NAALADL2: variants seen among roughly 807,000 people sequenced by gnomAD.
The protein encoded by NAALADL2 is N-acetylated alpha-linked acidic dipeptidase like 2.
Under a neutral mutation model 87.2 loss-of-function variants are expected in NAALADL2, and 76 were observed. The ratio of observed to expected loss-of-function variants is 0.87; its 90% CI spans 0.72 to 1.05. NAALADL2 has a LOEUF of 1.05. Among genes scored for constraint, NAALADL2 ranks in the 50% least tolerant of loss-of-function variants. The pLI is 0.00. For synonymous variants in NAALADL2, 354 were observed against 331.0 expected (o/e 1.07, Z -0.75); for missense variants, 1,089 against 945.8 (o/e 1.15, Z -1.99).
At chr3:174,523,915 G>GTT (rs1720495108) in intron 1 of NAALADL2, among the ~76,000 whole-genome samples, 1 of 151,970 alleles carries the variant, frequency 6.6e-6, no homozygotes, top group African/African-American at 2.4e-5. Flanking sequence ...TGTGAATGGG[G>GTT]TTCAGCAAGT....
intron 2 of NAALADL2, among the ~76,000 whole-genome samples, chr3:174,553,900 A>C (rs1178602642): frequency 6.6e-6 from 1 of 152,120 alleles, no homozygotes; most frequent in African/African-American, 2.4e-5. Context: ...CTGCTTTCAG[A>C]TGAGTGTTAG....
At chr3:175,198,059 A>G (rs1346351456) in intron 2 of NAALADL2, among the ~76,000 whole-genome samples, 2 of 152,102 alleles carry the variant, frequency 1.3e-5, no homozygotes, top group East Asian at 3.8e-4. Context: ...ATCCTGTAAA[A>G]TTACTCTAAA....
chr3:174,447,572 C>T (rs1461791738), intron 1 of NAALADL2, among the ~76,000 whole-genome samples: 1 of 152,044 alleles, frequency 6.6e-6, no homozygotes, highest in East Asian at 1.9e-4. Context: ...AATCCCAGCA[C>T]TTTGGGTGGC....
intron 2 of NAALADL2, among the ~76,000 whole-genome samples, chr3:174,580,819 A>G (rs1009792397): frequency 6.6e-6 from 1 of 152,166 alleles, no homozygotes; most frequent in Non-Finnish European, 1.5e-5. Context: ...TTTTACAGAC[A>G]TACACTTCCA....
intron 9 of NAALADL2, among the ~76,000 whole-genome samples, chr3:175,547,020 T>G (rs1174662048): frequency 6.6e-6 from 1 of 152,156 alleles, no homozygotes; most frequent in Non-Finnish European, 1.5e-5. Flanking sequence ...TTCAATGCCA[T>G]GCCTATTAAA....
intron 12 of NAALADL2, among the ~76,000 whole-genome samples, chr3:175,747,452 G>A (rs773042022): frequency 1.3e-5 from 2 of 152,014 alleles, no homozygotes; most frequent in Non-Finnish European, 1.5e-5. Flanking sequence ...TCCCTAAGGT[G>A]TATTTTTTGG....
intron 1 of NAALADL2, among the ~76,000 whole-genome samples, chr3:174,529,479 T>C (rs1721049990): frequency 1.3e-5 from 2 of 152,198 alleles, no homozygotes; most frequent in Admixed American, 1.3e-4. Context: ...GTGGCCCTCT[T>C]CTCACAGCTC....
chr3:175,355,941 C>T lies in NAALADL2; in HGVS notation c.1090+31616C>T, dbSNP rs539787598. ...TAGGCAGATAACTAAAATATTCTTCCTAAGTTAAGAATTATAAGCACAAGT... is the reference window on the plus strand; with the variant it reads ...TAGGCAGATAACTAAAATATTCTTCTTAAGTTAAGAATTATAAGCACAAGT... On this transcript the variant is annotated intron_variant, in intron 5 of 13. Coordinates refer to ENST00000454872, the MANE Select transcript of NAALADL2 (RefSeq NM_207015.3). Among the ~76,000 whole-genome samples, 4 of 152,180 alleles carry T rather than the reference C, an allele frequency of 2.6e-5. No individual in the cohort carries two copies. The East Asian group carries it at 7.7e-4, about 29-fold the overall frequency.
At chr3:174,495,761 T>A (rs76455517) in intron 1 of NAALADL2, among the ~76,000 whole-genome samples, 2 of 125,904 alleles carry the variant, frequency 1.6e-5, no homozygotes, top group Non-Finnish European at 3.4e-5. Flanking sequence ...ATAGCAAAAA[T>A]GAAAAAAATA....
At position 174,792,587 on chromosome 3, in the gene NAALADL2, C is replaced by T. The variant is rs16864560; in HGVS notation, c.-9+54841C>T. Among the ~76,000 whole-genome samples, 522 of 152,226 alleles carry T rather than the reference C, an allele frequency of 3.4e-3. 2 individuals carry two copies. Among genetic ancestry groups the T allele is most frequent in the African/African-American group, 0.012 (505 of 41,558 alleles). ...TTCTGCCTAGATTGATGATAAGTGA[C>T]CCTTCTGGTATGGCAATTCTCTTGC... On this transcript the variant is annotated intron_variant, in intron 3 of 3. Coordinates refer to the NAALADL2 transcript ENST00000434257.
intron 3 of NAALADL2, among the ~76,000 whole-genome samples, chr3:174,807,640 A>C (rs983033104): frequency 1.3e-5 from 2 of 152,162 alleles, no homozygotes; most frequent in African/African-American, 4.8e-5. Context: ...TGAGCAGAAC[A>C]GCGTTGAATA....
At chr3:174,844,835 GTTTTTTTTT>G (rs781333758) in intron 3 of NAALADL2, among the ~76,000 whole-genome samples, 2 of 35,458 alleles carry the variant, frequency 5.6e-5, no homozygotes, top group Non-Finnish European at 1.0e-4. Flanking sequence ...AGTTCTAATG[GTTTTTTTTT>G]TTTTTTTTTT....
chr3:174,501,013 T>C (rs75826871), intron 1 of NAALADL2, among the ~76,000 whole-genome samples: 4,626 of 135,134 alleles, frequency 0.034, 222 homozygotes, highest in African/African-American at 0.12. Context: ...CCCGCCACCA[T>C]GCCCGGCCTG....
At chr3:175,233,752 A>G (rs978649102) in intron 2 of NAALADL2, among the ~76,000 whole-genome samples, 179 bp from the exon 3 acceptor site, 1 of 152,182 alleles carries the variant, frequency 6.6e-6, no homozygotes, top group Admixed American at 6.6e-5. Context: ...TTCTTAATTT[A>G]AGAAACTAAT....
At chr3:174,945,841 A>G (rs541246677) in intron 1 of NAALADL2, among the ~76,000 whole-genome samples, 14 of 152,138 alleles carry the variant, frequency 9.2e-5, no homozygotes, top group Non-Finnish European at 1.8e-4. Flanking sequence ...AAGTCAGGAG[A>G]TCAAGACCAT....
intron 2 of NAALADL2, among the ~76,000 whole-genome samples, chr3:174,661,543 T>G (rs530019966): frequency 1.1e-4 from 17 of 148,816 alleles, no homozygotes; most frequent in African/African-American, 2.9e-4. Context: ...CACTGATGCT[T>G]CTTCTTCTTC....
intron 11 of NAALADL2, among the ~76,000 whole-genome samples, chr3:175,720,790 AT>A (rs1742131774): frequency 6.6e-6 from 1 of 152,150 alleles, no homozygotes; most frequent in Non-Finnish European, 1.5e-5. Context: ...AAGAAAAATA[AT>A]TTGCAACCTA....
intron 3 of NAALADL2, among the ~76,000 whole-genome samples, chr3:174,738,452 G>A (rs1375321871): frequency 6.6e-6 from 1 of 152,138 alleles, no homozygotes; most frequent in Non-Finnish European, 1.5e-5. Context: ...AGGGAAAGGT[G>A]GCCAATTCCT....
chr3:174,887,415 T>C (rs1432505697), intron 1 of NAALADL2, among the ~76,000 whole-genome samples: 1 of 152,198 alleles, frequency 6.6e-6, no homozygotes, highest in African/African-American at 2.4e-5. Flanking sequence ...TATTAGTAGG[T>C]CACCATATAC....
Sources: allele counts gnomAD v4.1 joint callset (sites outside exome capture counted in the v4.1 genomes callset), GRCh38; gene constraint gnomAD v4.1.1; transcripts MANE v1.5; gene names NCBI Gene and HGNC (gene_info 2026-07-23, HGNC 2026-07-21).